The following ZNF227 variants were observed in gnomAD, a reference collection of about 807,000 sequenced individuals.
The protein encoded by ZNF227 is zinc finger protein 227.
ZNF227 carries 12 observed loss-of-function variants against 13.2 expected under a neutral mutation model. The observed-to-expected ratio is 0.91, with a 90% CI of 0.58 to 1.47. ZNF227 has a LOEUF of 1.47. Among genes scored for constraint, ZNF227 ranks in the 40% most tolerant of loss-of-function variants. ZNF227 has a pLI of 0.00. For synonymous variants in ZNF227, 338 were observed against 326.0 expected (o/e 1.04, Z -0.40); for missense variants, 885 against 967.5 (o/e 0.91, Z 1.13).
chr19:44,212,246 G>A (rs1459524328), upstream of ZNF227, among the ~76,000 whole-genome samples: 1 of 151,816 alleles, frequency 6.6e-6, no homozygotes, highest in Non-Finnish European at 1.5e-5. Flanking sequence ...ACTGACATCA[G>A]AGAACTGCTT....
chr19:44,227,556 T>G (rs1287709872), intron 3 of ZNF227, among the ~76,000 whole-genome samples: 1 of 151,722 alleles, frequency 6.6e-6, no homozygotes, highest in African/African-American at 2.4e-5. Context: ...CCTGAAAATT[T>G]ATTTTTAAAA....
At chr19:44,226,706 C>T (rs1973204783) in intron 3 of ZNF227, among the ~76,000 whole-genome samples, 1 of 152,310 alleles carries the variant, frequency 6.6e-6, no homozygotes, top group Non-Finnish European at 1.5e-5. Flanking sequence ...AAAGGGAACT[C>T]CTTGACCCCT....
chr19:44,235,229 C>T lies in ZNF227; in HGVS notation c.799C>T (p.Leu267Phe). The T allele has an allele frequency of 6.2e-7, 1 of 1,614,052 alleles. No homozygotes were observed. Among genetic ancestry groups the T allele is most frequent in the Non-Finnish European group, 8.5e-7 (1 of 1,179,992 alleles). Residue 267 changes from leucine (L) to phenylalanine (F), a missense_variant, in exon 6 of 6, where the codon CTT becomes TTT. Leu to Phe is a conservative substitution (Grantham distance 22). Transcript: ENST00000313040. ...CTTCAGTTATAGCCCAAGGCTTCCC[C>T]TTCATCCGAATGTTCATACAGGAGA... ...RGFSYSPRLPLHPNVHTGEKC... is the reference protein window; with the variant it reads ...RGFSYSPRLPFHPNVHTGEKC...
upstream of ZNF227, among the ~76,000 whole-genome samples, chr19:44,209,289 C>T (rs780163100): frequency 1.3e-5 from 2 of 152,168 alleles, no homozygotes; most frequent in Non-Finnish European, 2.9e-5. Flanking sequence ...ATCTATTACT[C>T]TTCTCCCACA....
rs1972049211 is a variant in ZNF227, at chr19:44,217,798, A to G, written c.6A>G (p.Pro2=). 1 of 1,614,246 alleles carries G rather than the reference A, an allele frequency of 6.2e-7. No homozygotes were observed. The highest frequency in any genetic ancestry group is 2.2e-5 in the East Asian group (1 of 44,890). The part of the protein sequence containing the change: M[P]SQNYDLPQKK... ...GTCTTTGGTCTCCCCCAGTTATGCC[A>G]TCTCAGAACTATGACCTTCCCCAGA... Residue 2 remains proline (P), a synonymous_variant, in exon 3 of 6, where the codon CCA becomes CCG. Transcript: ENST00000313040.
chr19:44,235,742 T>G lies in ZNF227; in HGVS notation c.1312T>G (p.Cys438Gly), dbSNP rs1974396241. 9 of 1,613,858 alleles carry G rather than the reference T, an allele frequency of 5.6e-6. No individual in the cohort carries two copies. Among genetic ancestry groups the G allele is most frequent in the Non-Finnish European group, 6.8e-6 (8 of 1,179,984 alleles). The change falls in exon 6 of 6, where the codon TGT (cysteine) becomes GGT (glycine). Residue 438 changes from cysteine to glycine, a missense_variant. Transcript: ENST00000313040. Reference protein sequence around the residue: ...RVHTGEKPYKCDVCGKGFSHN... With the variant: ...RVHTGEKPYKGDVCGKGFSHN... The stretch of plus-strand genomic sequence containing the variant: ...CCACACTGGAGAGAAACCCTACAAG[T>G]GTGATGTGTGTGGTAAGGGCTTCAG...
rs2122976261 is a variant in ZNF227 at position 44,235,502 on chromosome 19, G to A, written c.1072G>A (p.Gly358Ser). 1.9e-6 allele frequency: 3 copies of A among 1,614,128 alleles called. No homozygotes were observed. The highest frequency in any genetic ancestry group is 1.6e-4 in the Middle Eastern group (1 of 6,062). ...GEKPYKCEEC[G>S]KCFSQSSNFQ... ...GAAACCCTATAAATGCGAGGAATGT[G>A]GTAAATGCTTTAGTCAAAGTTCAAA... is the stretch of plus-strand genomic sequence containing the variant. Residue 358 changes from glycine to serine, a missense_variant, in exon 6 of 6, where the codon GGT (glycine) becomes AGT (serine). Gly to Ser is a moderately conservative substitution (Grantham distance 56). Transcript: ENST00000313040.
In ZNF227 at chr19:44,217,337, T is replaced by C. The variant is rs117514923; in HGVS notation, c.-2-454T>C. On this transcript the variant is annotated intron_variant, in intron 2 of 5. Transcript: ENST00000313040. ...GAAAGGGACTCCTGGTTCTTAGAAC[T>C]CTCCATCTACTTATTTAATCCTTGG... 480 of 427,546 alleles carry C rather than the reference T, an allele frequency of 1.1e-3. 1 individual carries two copies. Among genetic ancestry groups the C allele is most frequent in the Non-Finnish European group, 1.7e-3 (374 of 216,212 alleles). The allele number at this position is 427,546 out of a possible 1,614,324, so 26.5% of individuals were successfully genotyped here. A position where few individuals can be genotyped will look rare whatever the true frequency, so the allele number is the denominator to read the frequency against.
chr19:44,225,127 C>T (rs564620554), intron 3 of ZNF227, among the ~76,000 whole-genome samples: 36 of 152,042 alleles, frequency 2.4e-4, no homozygotes, highest in African/African-American at 2.2e-4. Context: ...GAGTTTCTGC[C>T]GAGAGATCCG....
intron 5 of ZNF227, among the ~76,000 whole-genome samples, chr19:44,230,926 A>AATATATATATATATATATATATATAT (rs58952117): frequency 2.9e-5 from 2 of 68,130 alleles, no homozygotes; most frequent in African/African-American, 2.0e-4. Context: ...AAAAAAAAAA[A>AATATATATATATATATATATATATAT]ATATATATAT....
At chr19:44,209,788 G>A (rs1056471356), upstream of ZNF227, among the ~76,000 whole-genome samples, 34 of 151,984 alleles carry the variant, frequency 2.2e-4, no homozygotes, top group Admixed American at 2.0e-3. Context: ...GGGTTTCACC[G>A]TGTTAGCCAG....
chr19:44,226,725 C>T (rs1049321809), intron 3 of ZNF227, among the ~76,000 whole-genome samples: 2 of 152,300 alleles, frequency 1.3e-5, no homozygotes, highest in Admixed American at 1.3e-4. Context: ...CTTGTGCTTC[C>T]CAAGTGAGGC....
intron 5 of ZNF227, among the ~76,000 whole-genome samples, chr19:44,234,228 C>T (rs1348368226): frequency 1.3e-5 from 2 of 152,194 alleles, no homozygotes; most frequent in African/African-American, 4.8e-5. Flanking sequence ...TTCCAACTGC[C>T]TTCCCAAATC....
At position 44,236,188 on chromosome 19, in the gene ZNF227, T is replaced by G. The variant is rs371165628; in HGVS notation, c.1758T>G (p.Ser586Arg). 1 of 1,613,846 alleles carries G rather than the reference T, an allele frequency of 6.2e-7. No homozygotes were observed. The highest frequency in any genetic ancestry group is 1.3e-5 in the African/African-American group (1 of 74,848). Reference sequence around the variant, plus strand: ...GTGAGGAATGTGGGAAGGGCTTCAGTTGGAGATCAAATCTTCATGCACATC... The same window carrying G: ...GTGAGGAATGTGGGAAGGGCTTCAGGTGGAGATCAAATCTTCATGCACATC... ...YKCEECGKGF[S>R]WRSNLHAHQR... Residue 586 changes from serine to arginine, a missense_variant, in exon 6 of 6, where the codon AGT (serine) becomes AGG (arginine). Ser to Arg is a moderately radical substitution (Grantham distance 110). Coordinates refer to ENST00000313040, the MANE Select transcript of ZNF227 (RefSeq NM_182490.3).
chr19:44,212,212 GT>G, upstream of ZNF227, among the ~76,000 whole-genome samples: 1 of 151,672 alleles, frequency 6.6e-6, no homozygotes, highest in Non-Finnish European at 1.5e-5. Flanking sequence ...GTTACTTTTT[GT>G]TAATAAGAAA....
intron 2 of ZNF227, 183 bp from the exon 3 acceptor site, chr19:44,217,608 G>A (rs189094722): frequency 1.3e-6 from 1 of 765,656 alleles, no homozygotes; most frequent in African/African-American, 1.7e-5. Context: ...TGTGCAGACT[G>A]TTCACTGCCC....
At chr19:44,224,491 T>C (rs1390442695) in intron 3 of ZNF227, among the ~76,000 whole-genome samples, 2 of 152,230 alleles carry the variant, frequency 1.3e-5, no homozygotes, top group Non-Finnish European at 2.9e-5. Context: ...AGTTAGCTCT[T>C]GTTGAATTGA....
At position 44,235,778 on chromosome 19, in the gene ZNF227, C is replaced by T. The variant is rs775811096; in HGVS notation, c.1348C>T (p.Pro450Ser). The change falls in exon 6 of 6, where the codon CCA becomes TCA. Residue 450 changes from proline to serine, a missense_variant. By Grantham distance (74) the Pro-to-Ser change is moderately conservative. Transcript: ENST00000313040. Reference sequence around the variant, plus strand: ...TGGTAAGGGCTTCAGCCACAATTCACCATTAATATGCCATCGGAGAGTCCA... The same window carrying T: ...TGGTAAGGGCTTCAGCCACAATTCATCATTAATATGCCATCGGAGAGTCCA... Reference protein sequence around the residue: ...VCGKGFSHNSPLICHRRVHTG... With the variant: ...VCGKGFSHNSSLICHRRVHTG... The T allele has an allele frequency of 5.6e-6, 9 of 1,608,380 alleles. No individual in the cohort carries two copies. The East Asian group carries it at 2.0e-4, about 36-fold the overall frequency.
chr19:44,236,541 G>A lies in ZNF227; in HGVS notation c.2111G>A (p.Arg704His), dbSNP rs776384548. ...GKGFGRSLNLRHHQRVHTGEK... is the reference protein window; with the variant it reads ...GKGFGRSLNLHHHQRVHTGEK... ...GGCTTTGGTAGGAGCTTGAATCTTC[G>A]CCATCATCAGAGGGTCCACACGGGA... The change falls in exon 6 of 6, where the codon CGC becomes CAC. Residue 704 changes from arginine (R) to histidine (H), a missense_variant. By Grantham distance (29) the Arg-to-His change is conservative (BLOSUM62 0). Transcript: ENST00000313040. 2.2e-5 allele frequency: 36 copies of A among 1,612,782 alleles called. No homozygotes were observed. Among genetic ancestry groups the A allele is most frequent in the Middle Eastern group, 3.3e-4 (2 of 6,076 alleles).
Sources: gnomAD v4.1 joint callset for allele counts (sites outside exome capture counted in the v4.1 genomes callset) on GRCh38, gnomAD v4.1.1 for gene constraint, MANE v1.5 for transcripts, NCBI Gene and HGNC (gene_info 2026-07-23, HGNC 2026-07-21) for gene names.